The following ZNF521 variants were observed in gnomAD, a reference collection of about 807,000 sequenced individuals.
The protein encoded by ZNF521 is zinc finger protein 521.
ZNF521 carries 14 observed loss-of-function variants against 105.5 expected under a neutral mutation model. That is an observed-to-expected ratio of 0.13 (90% CI 0.09 to 0.21). ZNF521 has a LOEUF of 0.21. Among genes scored for constraint, ZNF521 ranks in the 10% least tolerant of loss-of-function variants. The pLI, the probability that ZNF521 is intolerant of heterozygous loss-of-function variation, is 1.00. For synonymous variants in ZNF521, 635 were observed against 606.0 expected (o/e 1.05, Z -0.70); for missense variants, 1,233 against 1,629.7 (o/e 0.76, Z 4.19).
Position 25,339,695 on chromosome 18 carries a change from C to T in ZNF521, c.40+11212G>A, listed in dbSNP as rs866851412. On this transcript the variant is annotated intron_variant, in intron 2 of 7. Transcript: ENST00000361524. The stretch of plus-strand genomic sequence containing the variant: ...ATTTGTTTGTCTACATTGTAGGTTA[C>T]GGGGATTCAAAGAAAAGGGACACCA... 1.2e-4 allele frequency among the ~76,000 whole-genome samples: 18 copies of T among 152,124 alleles called. No homozygotes were observed. The South Asian group carries it at 1.5e-3, about 12-fold the overall frequency.
chr18:25,132,585 C>T (rs576048977), intron 5 of ZNF521, among the ~76,000 whole-genome samples: 12 of 152,246 alleles, frequency 7.9e-5, no homozygotes, highest in African/African-American at 2.6e-4. Context: ...CTTCTGAAGG[C>T]TCCCAGTAGT....
At chr18:25,094,409 G>A (rs1410531350) in intron 5 of ZNF521, among the ~76,000 whole-genome samples, 1 of 152,138 alleles carries the variant, frequency 6.6e-6, no homozygotes, top group East Asian at 1.9e-4. Context: ...ATTCAGTCAA[G>A]TGAATTCATA....
At chr18:25,343,624 T>C (rs1389862788) in intron 2 of ZNF521, among the ~76,000 whole-genome samples, 1 of 152,196 alleles carries the variant, frequency 6.6e-6, no homozygotes, top group Admixed American at 6.5e-5. Flanking sequence ...GCTATGATCA[T>C]GCGGGAATAG....
chr18:25,217,907 C>A (rs1905433772), intron 4 of ZNF521, among the ~76,000 whole-genome samples: 1 of 152,034 alleles, frequency 6.6e-6, no homozygotes, highest in Admixed American at 6.6e-5. Flanking sequence ...TAGTTGATCT[C>A]CAAAGAAAGG....
intron 7 of ZNF521, among the ~76,000 whole-genome samples, chr18:25,071,122 C>A (rs1215455034): frequency 6.6e-6 from 1 of 152,170 alleles, no homozygotes; most frequent in Non-Finnish European, 1.5e-5. Context: ...GCTACTTTGT[C>A]TTCATTATAA....
intron 3 of ZNF521, among the ~76,000 whole-genome samples, chr18:25,302,504 C>T (rs150258472): frequency 1.3e-5 from 2 of 152,146 alleles, no homozygotes; most frequent in South Asian, 2.1e-4. Flanking sequence ...GGAGTTCCCA[C>T]GGTTAAATAA....
chr18:25,243,068 AG>A (rs1907456944), intron 3 of ZNF521, among the ~76,000 whole-genome samples: 1 of 152,174 alleles, frequency 6.6e-6, no homozygotes, highest in Non-Finnish European at 1.5e-5. Context: ...CTTTCTCAAC[AG>A]AGTTTGCAGT....
At chr18:25,308,586 A>G (rs1027258153) in intron 3 of ZNF521, among the ~76,000 whole-genome samples, 7 of 151,108 alleles carry the variant, frequency 4.6e-5, no homozygotes, top group Non-Finnish European at 7.4e-5. Context: ...ACTCTTGCTC[A>G]TCACCAAAGA....
chr18:25,202,309 T>A (rs1294655879), intron 4 of ZNF521: 1 of 152,148 alleles, frequency 6.6e-6, no homozygotes, highest in Non-Finnish European at 1.5e-5. Context: ...ACCATAAGAA[T>A]AATCAAATAA....
At chr18:25,150,839 A>C (rs1600094961) in intron 5 of ZNF521, among the ~76,000 whole-genome samples, 1 of 143,860 alleles carries the variant, frequency 7.0e-6, no homozygotes, top group African/African-American at 2.6e-5. Flanking sequence ...GTGGTCTCTC[A>C]CCCCTTCAAT....
intron 7 of ZNF521, among the ~76,000 whole-genome samples, chr18:25,068,465 A>T (rs2033128628): frequency 6.6e-6 from 1 of 152,208 alleles, no homozygotes. Flanking sequence ...AGAATTCTAC[A>T]TTACCGTCCA....
At chr18:25,067,154 C>T (rs949245725) in intron 7 of ZNF521, among the ~76,000 whole-genome samples, 7 of 151,944 alleles carry the variant, frequency 4.6e-5, no homozygotes, top group Non-Finnish European at 1.0e-4. Context: ...CCATTAATCC[C>T]AGTTATGAAC....
intron 5 of ZNF521, among the ~76,000 whole-genome samples, chr18:25,096,455 G>A (rs900272825): frequency 1.3e-5 from 2 of 152,222 alleles, no homozygotes; most frequent in Non-Finnish European, 2.9e-5. Context: ...TTTAAATTAT[G>A]AGCTCCAAGG....
chr18:25,064,032 C>A (rs575215353), intron 7 of ZNF521, among the ~76,000 whole-genome samples: 1 of 152,330 alleles, frequency 6.6e-6, no homozygotes, highest in African/African-American at 2.4e-5. Flanking sequence ...TTCATTTATT[C>A]ATTCATCTAC....
intron 5 of ZNF521, among the ~76,000 whole-genome samples, chr18:25,179,624 A>C (rs186214041): frequency 6.6e-6 from 1 of 152,340 alleles, no homozygotes; most frequent in East Asian, 1.9e-4. Flanking sequence ...CCAAGTCCTA[A>C]TGAAGCAGCA....
intron 5 of ZNF521, among the ~76,000 whole-genome samples, chr18:25,156,673 T>C (rs1271715146): frequency 6.6e-6 from 1 of 152,172 alleles, no homozygotes; most frequent in Non-Finnish European, 1.5e-5. Flanking sequence ...ATATATGTAA[T>C]TGTTTTTCAT....
intron 3 of ZNF521, among the ~76,000 whole-genome samples, chr18:25,303,251 A>G (rs1363321893): frequency 6.6e-6 from 1 of 151,470 alleles, no homozygotes; most frequent in African/African-American, 2.4e-5. Context: ...TGAAAAAAAA[A>G]AGAAACTCTT....
At chr18:25,188,468 T>C (rs967053255) in intron 5 of ZNF521, among the ~76,000 whole-genome samples, 2 of 152,050 alleles carry the variant, frequency 1.3e-5, no homozygotes, top group African/African-American at 4.8e-5. Flanking sequence ...TAGGTCACGA[T>C]GTGTGTGTGT....
At chr18:25,315,967 A>G (rs1011732066) in intron 3 of ZNF521, among the ~76,000 whole-genome samples, 3 of 152,210 alleles carry the variant, frequency 2.0e-5, no homozygotes, top group Non-Finnish European at 2.9e-5. Context: ...TTGCAAATCA[A>G]CAAGTTGTAA....
Sources: allele counts gnomAD v4.1 joint callset (sites outside exome capture counted in the v4.1 genomes callset), GRCh38; gene constraint gnomAD v4.1.1; transcripts MANE v1.5; gene names NCBI Gene and HGNC (gene_info 2026-07-23, HGNC 2026-07-21).